CACNA1C: variants seen among roughly 807,000 people sequenced by gnomAD.
The protein encoded by CACNA1C is calcium voltage-gated channel subunit alpha1 C, also known as voltage-dependent L-type calcium channel subunit alpha-1C.
A neutral mutation model predicts 229.0 loss-of-function variants in CACNA1C; 30 were observed. The observed-to-expected ratio is 0.13, with a 90% confidence interval of 0.10 to 0.18. CACNA1C has a LOEUF of 0.18. CACNA1C is among the 10% of genes least tolerant of loss of function. The probability of loss-of-function intolerance (pLI) is 1.00; values close to 1 mark genes in which losing one functional copy is unlikely to be tolerated. For synonymous variants in CACNA1C, 1,114 were observed against 1,132.5 expected, an observed-to-expected ratio of 0.98 and a Z score of 0.33; for missense variants, 1,658 against 2,845.0, an observed-to-expected ratio of 0.58 and a Z score of 9.49.
chr12:2,160,477 C>T (rs1473708307), intron 3 of CACNA1C, among the ~76,000 whole-genome samples: 5 of 152,226 alleles, frequency 3.3e-5, no homozygotes, highest in Admixed American at 3.3e-4. Flanking sequence ...GCAGCCTTCC[C>T]AGTTCCCTGT....
chr12:2,125,828 T>C (rs544385346), intron 3 of CACNA1C, among the ~76,000 whole-genome samples: 1 of 152,286 alleles, frequency 6.6e-6, no homozygotes, highest in South Asian at 2.1e-4. Flanking sequence ...AGGTTCCCTT[T>C]AGGATCCAAG....
intron 3 of CACNA1C, among the ~76,000 whole-genome samples, chr12:2,438,260 ATGG>A (rs771047783): frequency 3.4e-4 from 30 of 87,008 alleles, no homozygotes; most frequent in Non-Finnish European, 5.8e-4. Flanking sequence ...AATGATGGTG[ATGG>A]TGGTGGTGGT....
rs751577216 is a variant in CACNA1C, at chr12:2,488,865, C to A, written c.916+2603C>A. On this transcript the variant is annotated intron_variant, in intron 6 of 46. Coordinates refer to ENST00000399655, the MANE Select transcript of CACNA1C (RefSeq NM_000719.7). This position sits in a 1 kb window ranked among gnomAD's most constrained non-coding sequence, Gnocchi z 4.0. ...GCTGTCCCTTCGTTCCCAAACCTGC[C>A]GTCTGATCACAAGCCAGGACCCACT... Among the ~76,000 whole-genome samples the A allele has an allele frequency of 6.6e-6, 1 of 152,204 alleles. No homozygotes were observed. The highest frequency in any genetic ancestry group is 1.5e-5 in the Non-Finnish European group (1 of 68,044).
At chr12:2,167,959 G>T (rs2096307598) in intron 3 of CACNA1C, among the ~76,000 whole-genome samples, 1 of 152,142 alleles carries the variant, frequency 6.6e-6, no homozygotes, top group Non-Finnish European at 1.5e-5. Flanking sequence ...CTAAGTAATA[G>T]TTATGTTCAG....
chr12:2,634,148 C>G lies in CACNA1C; in HGVS notation c.3829-149C>G, dbSNP rs565337206. ...AGAGTGTTTAATATGCCCACGTAAC[C>G]TCTTTCTTTTCTCATTTTTTTTCTC... On this transcript the variant is annotated intron_variant, in intron 29 of 46. Transcript: ENST00000399655. 8 of 527,762 alleles carry G rather than the reference C, an allele frequency of 1.5e-5. No homozygotes were observed. The East Asian group carries it at 2.5e-4, about 16-fold the overall frequency. 32.7% of individuals were successfully genotyped at this position (527,762 alleles called of 1,614,324 possible). A position where few individuals can be genotyped will look rare whatever the true frequency, so the allele number is the denominator to read the frequency against.
At chr12:2,593,844 T>C (rs2066728321) in intron 19 of CACNA1C, among the ~76,000 whole-genome samples, 1 of 152,264 alleles carries the variant, frequency 6.6e-6, no homozygotes, top group African/African-American at 2.4e-5. Context: ...TTTTTACTCA[T>C]TTCAGTCCAT....
chr12:2,596,096 C>A, intron 20 of CACNA1C, 93 bp downstream of exon 20: 1 of 1,276,734 alleles, frequency 7.8e-7, no homozygotes, highest in Non-Finnish European at 1.1e-6. Context: ...AATCAGGAGC[C>A]CAATTCTAGG....
chr12:2,405,181 A>G lies in CACNA1C; in HGVS notation c.478-43795A>G, dbSNP rs556021725. The stretch of plus-strand genomic sequence containing the variant: ...TTTAAATAATTATAGGTTCATAGGA[A>G]GTTTCAAAGGTAGCACAGAGGCAGT... On this transcript the variant is annotated intron_variant, in intron 3 of 46. Coordinates refer to ENST00000399655, the MANE Select transcript of CACNA1C (RefSeq NM_000719.7). Among the ~76,000 whole-genome samples the G allele has an allele frequency of 8.8e-4, 134 of 152,338 alleles. 2 individuals carry two copies. The highest frequency in any genetic ancestry group is 1.7e-3 in the Non-Finnish European group (115 of 68,028).
At chr12:2,470,732 G>A (rs951619858) in intron 5 of CACNA1C, among the ~76,000 whole-genome samples, 1 of 152,228 alleles carries the variant, frequency 6.6e-6, no homozygotes, top group Non-Finnish European at 1.5e-5. Flanking sequence ...GAAACACACA[G>A]GAAGCACTCA....
At chr12:2,339,532 T>C (rs762311682) in intron 3 of CACNA1C, among the ~76,000 whole-genome samples, 3 of 152,258 alleles carry the variant, frequency 2.0e-5, no homozygotes, top group Non-Finnish European at 4.4e-5. Context: ...ACTCTTATAA[T>C]AACATGTAGC....
chr12:2,223,705 G>A (rs2062079072), intron 3 of CACNA1C, among the ~76,000 whole-genome samples: 1 of 152,136 alleles, frequency 6.6e-6, no homozygotes, highest in Admixed American at 6.5e-5. Flanking sequence ...CTCTTATAGA[G>A]TTGTTTTGCC....
chr12:2,328,526 A>C (rs1481882525), intron 3 of CACNA1C, among the ~76,000 whole-genome samples: 1 of 152,178 alleles, frequency 6.6e-6, no homozygotes, highest in Non-Finnish European at 1.5e-5. Context: ...GCTTTTGTTC[A>C]TTCTCCCTAG....
rs1184817062 is a variant in CACNA1C at position 2,688,490 on chromosome 12, A to C, written c.5828A>C (p.His1943Pro). The C allele has an allele frequency of 1.9e-6, 3 of 1,613,732 alleles. No homozygotes were observed. The South Asian group carries it at 3.3e-5, about 18-fold the overall frequency. Residue 1943 changes from histidine (H) to proline (P), a missense_variant, in exon 46 of 47, where the codon CAT becomes CCT. Physicochemically the swap from His to Pro is moderately conservative, Grantham distance 77. Coordinates refer to ENST00000399655, the MANE Select transcript of CACNA1C (RefSeq NM_000719.7). Reference protein sequence around the residue: ...AGLSPLLQRSHSPASFPRPFA... With the variant: ...AGLSPLLQRSPSPASFPRPFA... The stretch of plus-strand genomic sequence containing the variant: ...CTGAGCCCCCTCCTCCAGAGAAGCC[A>C]TTCCCCTGCCTCATTCCCTAGGCCT...
rs557373646 is a variant in CACNA1C at position 2,449,169 on chromosome 12, T to C, written c.617+54T>C. On this transcript the variant is annotated intron_variant, in intron 4 of 46. Coordinates refer to ENST00000399655, the MANE Select transcript of CACNA1C (RefSeq NM_000719.7). ...TTATCTTACCAGTGTTGCGGGACTT[T>C]TCCTTAAGTCAGCTGAAGACAGGGT... 23 of 1,379,468 alleles carry C rather than the reference T, an allele frequency of 1.7e-5. No individual in the cohort carries two copies. The South Asian group carries it at 3.6e-4, about 22-fold the overall frequency. 85.5% of individuals were successfully genotyped at this position (1,379,468 alleles called of 1,614,324 possible). A position where few individuals can be genotyped will look rare whatever the true frequency, so the allele number is the denominator to read the frequency against.
At chr12:2,273,266 T>G (rs2085959363) in intron 3 of CACNA1C, among the ~76,000 whole-genome samples, 1 of 152,242 alleles carries the variant, frequency 6.6e-6, no homozygotes, top group African/African-American at 2.4e-5. Flanking sequence ...ATAGTTCTTA[T>G]GATGTACTGT....
At chr12:2,520,710 C>T (rs941647547) in intron 9 of CACNA1C, among the ~76,000 whole-genome samples, 45 of 127,936 alleles carry the variant, frequency 3.5e-4, no homozygotes, top group African/African-American at 3.5e-4. Flanking sequence ...TCTCATTGAC[C>T]AATGGCCGTG....
intron 3 of CACNA1C, among the ~76,000 whole-genome samples, chr12:2,180,827 T>C (rs1460196503): frequency 6.6e-6 from 1 of 152,074 alleles, no homozygotes; most frequent in Non-Finnish European, 1.5e-5. Context: ...GTTCAGCAAG[T>C]GTTTGTTGAG....
intron 3 of CACNA1C, among the ~76,000 whole-genome samples, chr12:2,137,193 T>C (rs1475234870): frequency 6.6e-6 from 1 of 151,284 alleles, no homozygotes; most frequent in Non-Finnish European, 1.5e-5. Flanking sequence ...GGATGTGGGA[T>C]GGGTAGTAAG....
chr12:2,637,800 A>G (rs556890304), intron 30 of CACNA1C, among the ~76,000 whole-genome samples: 3 of 152,300 alleles, frequency 2.0e-5, no homozygotes, highest in African/African-American at 4.8e-5. Context: ...GATATGGTCT[A>G]TTTGGAAAGA....
Sources: allele counts gnomAD v4.1 joint callset (sites outside exome capture counted in the v4.1 genomes callset), GRCh38; gene constraint gnomAD v4.1.1; non-coding constraint Gnocchi (gnomAD v3.1); transcripts MANE v1.5; gene names NCBI Gene and HGNC (gene_info 2026-07-23, HGNC 2026-07-21).